The following ZC3H14 variants were observed in gnomAD, a reference collection of about 807,000 sequenced individuals.
ZC3H14 encodes zinc finger CCCH-type containing 14.
A neutral mutation model predicts 92.4 loss-of-function variants in ZC3H14; 31 were observed. The observed-to-expected ratio is 0.34, with a 90% CI of 0.25 to 0.45. The LOEUF (loss-of-function observed/expected upper bound fraction) is 0.45. Ranked by LOEUF, ZC3H14 falls within the 20% of genes least tolerant of loss-of-function variation. The pLI, the probability that ZC3H14 is intolerant of heterozygous loss-of-function variation, is 1.00. For synonymous variants in ZC3H14, 321 were observed against 300.9 expected (o/e 1.07, Z -0.69); for missense variants, 781 against 897.3 (o/e 0.87, Z 1.66).
At chr14:88,575,726 G>A (rs949801642) in intron 7 of ZC3H14, 114 bp from the exon 8 acceptor site, 1 of 812,464 alleles carries the variant, frequency 1.2e-6, no homozygotes, top group Non-Finnish European at 2.0e-6. Flanking sequence ...TCTAAAAACT[G>A]CAGCTAGTCT....
chr14:88,611,143 A>C (rs2086642422), intron 16 of ZC3H14, among the ~76,000 whole-genome samples: 1 of 152,072 alleles, frequency 6.6e-6, no homozygotes, highest in South Asian at 2.1e-4. Context: ...TACTTTTTTA[A>C]CCTAGATTAT....
At chr14:88,599,238 G>T (rs186129676) in intron 10 of ZC3H14, among the ~76,000 whole-genome samples, 1 of 152,296 alleles carries the variant, frequency 6.6e-6, no homozygotes, top group East Asian at 1.9e-4. Context: ...GAATCTTGTG[G>T]TCTGAATTGG....
At position 88,575,905 on chromosome 14, in the gene ZC3H14, A is replaced by G. The variant is rs112385235; in HGVS notation, c.1088A>G (p.Gln363Arg). The G allele has an allele frequency of 6.2e-7, 1 of 1,613,898 alleles. No homozygotes were observed. The highest frequency in any genetic ancestry group is 8.5e-7 in the Non-Finnish European group (1 of 1,179,862). The change falls in exon 8 of 17, where the codon CAA (glutamine) becomes CGA (arginine). Residue 363 changes from glutamine (Q) to arginine (R), a missense_variant. By Grantham distance (43) the Gln-to-Arg change is conservative. Around this residue, in one of 3 missense-constraint regions of ZC3H14, gnomAD observed 454 missense variants for 438.5 expected, o/e 1.04. Coordinates refer to ENST00000251038, the MANE Select transcript of ZC3H14 (RefSeq NM_024824.5). ...ATTTTGAAGGCTATATCTGAAGCTC[A>G]AGAATCCGTAACAAAAACAACTAAC... ...NLILKAISEA[Q>R]ESVTKTTNYS...
chr14:88,567,024 T>A (rs945267765), intron 2 of ZC3H14, among the ~76,000 whole-genome samples: 4 of 151,936 alleles, frequency 2.6e-5, no homozygotes, highest in African/African-American at 9.7e-5. Flanking sequence ...GAGGTTTTTG[T>A]TTTTTTGTTC....
intron 9 of ZC3H14, among the ~76,000 whole-genome samples, chr14:88,595,349 C>T (rs991406355): frequency 2.0e-5 from 3 of 152,160 alleles, no homozygotes; most frequent in African/African-American, 7.2e-5. Context: ...ACAGATGAAC[C>T]TAGAGCAATG....
rs371266336 is a variant in ZC3H14, at chr14:88,618,323, A to G, written c.*6572A>G. On this transcript the variant is annotated 3_prime_UTR_variant, in exon 17 of 17. Coordinates refer to ENST00000251038, the MANE Select transcript of ZC3H14 (RefSeq NM_024824.5). ...CATAGACATGCCGTTTATAGCAGCC[A>G]CTAGAGACCTTTTTCATCAGATTAA... 6.2e-7 allele frequency: 1 copy of G among 1,613,526 alleles called. No individual in the cohort carries two copies. Among genetic ancestry groups the G allele is most frequent in the Non-Finnish European group, 8.5e-7 (1 of 1,179,754 alleles).
chr14:88,597,091 C>T (rs540936292), intron 10 of ZC3H14, among the ~76,000 whole-genome samples: 61 of 152,248 alleles, frequency 4.0e-4, no homozygotes, highest in African/African-American at 1.4e-3. Flanking sequence ...GAGTGACCTG[C>T]GTTTCTGATT....
rs34372433 is a variant in ZC3H14, at chr14:88,626,616, C to CA, written c.*14880dup. The CA allele has an allele frequency of 0.019, 8,999 of 473,252 alleles. 1 individual carries two copies. The highest frequency in any genetic ancestry group is 0.033 in the East Asian group (868 of 26,600). 29.3% of individuals were successfully genotyped at this position (473,252 alleles called of 1,614,324 possible). On this transcript the variant is annotated 3_prime_UTR_variant, in exon 17 of 17. Transcript: ENST00000251038. ...CAGGCGACAGAGTGAGATACTGTGT[C>CA]AAAAAAAAAAAAAAATCCTTTTCCC...
intron 9 of ZC3H14, among the ~76,000 whole-genome samples, chr14:88,583,235 G>T (rs1055348812): frequency 6.6e-6 from 1 of 151,364 alleles, no homozygotes. Context: ...GGGCTCAAAT[G>T]ATCCTCCCAC....
In ZC3H14 at chr14:88,622,058, A is replaced by G. The variant is rs1161181317; in HGVS notation, c.*10307A>G. 1 of 320,126 alleles carries G rather than the reference A, an allele frequency of 3.1e-6. No individual in the cohort carries two copies. Among genetic ancestry groups the G allele is most frequent in the Non-Finnish European group, 6.4e-6 (1 of 155,976 alleles). The allele number at this position is 320,126 out of a possible 1,614,324, so 19.8% of individuals were successfully genotyped here. On this transcript the variant is annotated 3_prime_UTR_variant, in exon 17 of 17. Coordinates refer to ENST00000251038, the MANE Select transcript of ZC3H14 (RefSeq NM_024824.5). ...CCCTCCCCCTTGTCCGCCTCCAGTA[A>G]CCACTATTCTACTCTCCACCTCTGT...
rs376881512 is a variant in ZC3H14, at chr14:88,575,957, A to G, written c.1123+17A>G. On this transcript the variant is annotated intron_variant, in intron 8 of 16. Transcript: ENST00000251038. ...ACTCTACAGGTAATTTAAATGTATT[A>G]TGTTTACACTTGGTAAGACATTTCT... The G allele has an allele frequency of 3.0e-5, 47 of 1,563,270 alleles. No individual in the cohort carries two copies. Among genetic ancestry groups the G allele is most frequent in the Admixed American group, 1.5e-4 (9 of 59,910 alleles).
chr14:88,563,822 A>G (rs1320332844), intron 2 of ZC3H14, 129 bp downstream of exon 2: 6 of 893,502 alleles, frequency 6.7e-6, no homozygotes, highest in Admixed American at 4.0e-5. Flanking sequence ...TTCAAATCTT[A>G]TACTCCCTGG....
chr14:88,608,488 C>T, intron 13 of ZC3H14: 1 of 305,228 alleles, frequency 3.3e-6, no homozygotes, highest in Non-Finnish European at 6.5e-6. Flanking sequence ...TACCATGGCC[C>T]TCTCCAGAGT....
In ZC3H14 at chr14:88,563,510, G is replaced by T. The variant is rs570059367; in HGVS notation, c.37-141G>T. On this transcript the variant is annotated intron_variant, in intron 1 of 16. Coordinates refer to ENST00000251038, the MANE Select transcript of ZC3H14 (RefSeq NM_024824.5). ...GGAGTGGGGTGCGGGGTGGGGGGCG[G>T]TGCAGGCGAGGCTCCTCCCAGCCCC... The T allele has an allele frequency of 5.8e-6, 9 of 1,553,082 alleles. No homozygotes were observed. In the Admixed American group the frequency reaches 1.3e-4, roughly 22 times the overall value.
Position 88,574,846 on chromosome 14 carries a change from G to C in ZC3H14, c.1015G>C (p.Glu339Gln). 1 of 1,614,186 alleles carries C rather than the reference G, an allele frequency of 6.2e-7. No individual in the cohort carries two copies. Among genetic ancestry groups the C allele is most frequent in the Non-Finnish European group, 8.5e-7 (1 of 1,180,014 alleles). The stretch of plus-strand genomic sequence containing the variant: ...CAGTGTGTCTGTGCCTGCAAAGCCT[G>C]AAAGGAGGTACCTTGAACATGGCTG... ...SSSVSVPAKP[E>Q]RRPSLPPSKQ... The change falls in exon 7 of 17, where the codon GAA becomes CAA. Residue 339 changes from glutamate (E) to glutamine (Q), a missense_variant. Coordinates refer to ENST00000251038, the MANE Select transcript of ZC3H14 (RefSeq NM_024824.5).
intron 13 of ZC3H14, chr14:88,608,805 CTTTT>C (rs543973692): frequency 6.2e-6 from 1 of 162,208 alleles, no homozygotes; most frequent in Non-Finnish European, 1.3e-5. Flanking sequence ...TTTGGGGCTT[CTTTT>C]TTTTGCCGGG....
At chr14:88,574,348 T>G in intron 6 of ZC3H14, 1 of 303,280 alleles carries the variant, frequency 3.3e-6, no homozygotes, top group Non-Finnish European at 6.3e-6. Context: ...CGGGTTCAAG[T>G]GAGTCTTCTG....
intron 13 of ZC3H14, 121 bp from the exon 14 acceptor site, chr14:88,609,145 TG>T (rs569333081): frequency 4.2e-4 from 482 of 1,156,594 alleles, no homozygotes; most frequent in African/African-American, 4.1e-3. Context: ...TTCTTTTTGT[TG>T]CTGTTTTTTT....
Position 88,616,104 on chromosome 14 carries a change from ACATAGT to A in ZC3H14, c.*4355_*4360del, listed in dbSNP as rs773400194. 3.8e-6 allele frequency: 6 copies of A among 1,598,338 alleles called. No individual in the cohort carries two copies. Among genetic ancestry groups the A allele is most frequent in the Non-Finnish European group, 4.3e-6 (5 of 1,165,978 alleles). On this transcript the variant is annotated 3_prime_UTR_variant, in exon 17 of 17. Coordinates refer to ENST00000251038, the MANE Select transcript of ZC3H14 (RefSeq NM_024824.5). The stretch of plus-strand genomic sequence containing the variant: ...GTTGTATTAAGTCTCTTAACTAGTA[ACATAGT>A]CTGCTCTTCATGGGCTGAGAAAGTT...
Sources: gnomAD v4.1 joint callset for allele counts (sites outside exome capture counted in the v4.1 genomes callset) on GRCh38, gnomAD v4.1.1 for gene constraint, gnomAD v4.1.1 regional missense constraint, MANE v1.5 for transcripts, NCBI Gene and HGNC (gene_info 2026-07-23, HGNC 2026-07-21) for gene names.